RYR2: variants seen among roughly 807,000 people sequenced by gnomAD.
RYR2 encodes ryanodine receptor 2.
In RYR2, 227 loss-of-function variants were observed where a neutral mutation model predicts 601.1. That is an observed-to-expected ratio of 0.38 (90% CI 0.34 to 0.42). RYR2 has a LOEUF of 0.42. Ranked by LOEUF, RYR2 falls within the 10% of genes least tolerant of loss-of-function variation. The probability of loss-of-function intolerance (pLI) is 1.00; values close to 1 mark genes in which losing one functional copy is unlikely to be tolerated. For missense variants in RYR2, 4,646 were observed against 6,156.5 expected (o/e 0.75, Z 8.21); for synonymous variants, 2,223 against 2,175.1 (o/e 1.02, Z -0.61).
At chr1:237,785,375 C>T (rs1282474819) in intron 90 of RYR2, among the ~76,000 whole-genome samples, 1 of 152,106 alleles carries the variant, frequency 6.6e-6, no homozygotes, top group Admixed American at 6.5e-5. Context: ...TCTTTGTAGT[C>T]ATTAGTCCAT....
intron 8 of RYR2, among the ~76,000 whole-genome samples, chr1:237,384,042 G>A (rs1440290657): frequency 2.2e-4 from 33 of 152,140 alleles, no homozygotes; most frequent in Admixed American, 2.1e-3. Context: ...CAAGCCTGAC[G>A]TGATGTAGTT....
chr1:237,142,632 A>G (rs1213836954), intron 1 of RYR2, among the ~76,000 whole-genome samples: 1 of 152,122 alleles, frequency 6.6e-6, no homozygotes, highest in Admixed American at 6.5e-5. Context: ...GGCAGTTGGG[A>G]AGAGCATGCT....
At chr1:237,412,685 C>T (rs960356939) in intron 10 of RYR2, among the ~76,000 whole-genome samples, 4 of 152,076 alleles carry the variant, frequency 2.6e-5, no homozygotes, top group South Asian at 2.1e-4. Flanking sequence ...TTTTCATATC[C>T]GTCGACCTTC....
intron 1 of RYR2, among the ~76,000 whole-genome samples, chr1:237,167,151 G>A (rs549619617): frequency 6.6e-5 from 10 of 152,328 alleles, no homozygotes; most frequent in African/African-American, 2.4e-4. Context: ...GAGATCTGCA[G>A]TGATGTTCTT....
intron 24 of RYR2, among the ~76,000 whole-genome samples, chr1:237,527,503 A>G (rs183698461): frequency 1.3e-5 from 2 of 152,234 alleles, no homozygotes; most frequent in Non-Finnish European, 2.9e-5. Flanking sequence ...CCCTTAACCT[A>G]TAGTACACGG....
intron 53 of RYR2, among the ~76,000 whole-genome samples, chr1:237,656,568 C>T (rs1380354517): frequency 6.6e-6 from 1 of 152,118 alleles, no homozygotes; most frequent in African/African-American, 2.4e-5. Context: ...TTGTTGTTGT[C>T]GTTACTGTTT....
intron 20 of RYR2, among the ~76,000 whole-genome samples, chr1:237,497,606 C>T (rs1664210607): frequency 6.6e-6 from 1 of 152,096 alleles, no homozygotes; most frequent in African/African-American, 2.4e-5. Flanking sequence ...AGAAAGTTAC[C>T]TTAAGTTATA....
intron 101 of RYR2, among the ~76,000 whole-genome samples, chr1:237,827,827 C>A (rs1171027399): frequency 6.8e-6 from 1 of 146,472 alleles, no homozygotes; most frequent in Non-Finnish European, 1.5e-5. Context: ...GTCCCAGCTG[C>A]TGGGGAGGCT....
chr1:237,779,942 C>T (rs77932121), intron 88 of RYR2, among the ~76,000 whole-genome samples: 3,909 of 152,240 alleles, frequency 0.026, 88 homozygotes, highest in African/African-American at 0.055. Flanking sequence ...TGTGATTAGA[C>T]CAGCTATGTC....
chr1:237,468,900 CAATT>C (rs1660374867), intron 16 of RYR2, among the ~76,000 whole-genome samples, 188 bp from the exon 17 acceptor site: 1 of 152,078 alleles, frequency 6.6e-6, no homozygotes, highest in Admixed American at 6.5e-5. Flanking sequence ...GCTTCAGTCT[CAATT>C]AATAATTATT....
intron 10 of RYR2, among the ~76,000 whole-genome samples, chr1:237,403,503 C>T (rs1402311904): frequency 6.6e-6 from 1 of 152,194 alleles, no homozygotes; most frequent in Non-Finnish European, 1.5e-5. Context: ...ACTGCAGCCT[C>T]AACCCCCTGG....
chr1:237,480,368 A>G (rs955738873), intron 17 of RYR2, among the ~76,000 whole-genome samples: 4 of 146,516 alleles, frequency 2.7e-5, no homozygotes, highest in Non-Finnish European at 6.0e-5. Context: ...GTAGTGAACC[A>G]AGATCATCTC....
At position 237,674,770 on chromosome 1, in the gene RYR2, G is replaced by T; in HGVS notation, c.8754G>T (p.Glu2918Asp). The T allele has an allele frequency of 6.2e-7, 1 of 1,612,530 alleles. No individual in the cohort carries two copies. Among genetic ancestry groups the T allele is most frequent in the Non-Finnish European group, 8.5e-7 (1 of 1,178,836 alleles). Reference sequence around the variant, plus strand: ...TGGAACTGGACACGCCTTCTATTGAGAAACGATTTGCCTATAGTTTCCTCC... The same window carrying T: ...TGGAACTGGACACGCCTTCTATTGATAAACGATTTGCCTATAGTTTCCTCC... The part of the protein sequence containing the change: ...KDLELDTPSI[E>D]KRFAYSFLQQ... Residue 2918 changes from glutamate (E) to aspartate (D), a missense_variant, in exon 60 of 105, where the codon GAG (glutamate) becomes GAT (aspartate). By Grantham distance (45) the Glu-to-Asp change is conservative. Around this residue, in one of 17 missense-constraint regions of RYR2, gnomAD observed 1,497 missense variants for 1,842.6 expected, o/e 0.81. Transcript: ENST00000366574.
intron 17 of RYR2, among the ~76,000 whole-genome samples, chr1:237,484,894 T>TC (rs1662513084): frequency 6.6e-6 from 1 of 151,550 alleles, no homozygotes; most frequent in Admixed American, 6.6e-5. Flanking sequence ...AGACATTTAG[T>TC]TACATCCTTG....
At chr1:237,064,973 G>T (rs1380953760) in intron 1 of RYR2, among the ~76,000 whole-genome samples, 6 of 151,910 alleles carry the variant, frequency 3.9e-5, no homozygotes, top group Non-Finnish European at 7.4e-5. Context: ...AGTCCCCCAT[G>T]AGAAACTAAC....
chr1:237,400,964 G>A (rs61832523), intron 10 of RYR2, among the ~76,000 whole-genome samples: 8,197 of 152,250 alleles, frequency 0.054, 326 homozygotes, highest in Non-Finnish European at 0.087. Context: ...AAGAAGAGGC[G>A]TGTTTGGTGG....
At chr1:237,714,546 A>T (rs1428514944) in intron 71 of RYR2, among the ~76,000 whole-genome samples, 1 of 152,120 alleles carries the variant, frequency 6.6e-6, no homozygotes, top group Non-Finnish European at 1.5e-5. Context: ...AGTCTGTTTG[A>T]TGTCTTTCTT....
intron 2 of RYR2, among the ~76,000 whole-genome samples, chr1:237,304,825 A>G (rs975410773): frequency 6.6e-6 from 1 of 152,230 alleles, no homozygotes; most frequent in Non-Finnish European, 1.5e-5. Context: ...AAAACATACA[A>G]TTTAAGACCT....
intron 88 of RYR2, among the ~76,000 whole-genome samples, chr1:237,780,196 G>T (rs994199095): frequency 1.3e-5 from 2 of 152,160 alleles, no homozygotes; most frequent in African/African-American, 4.8e-5. Context: ...GGGCTCAGAG[G>T]TACCTGACTA....
Sources: allele counts gnomAD v4.1 joint callset (sites outside exome capture counted in the v4.1 genomes callset), GRCh38; gene constraint gnomAD v4.1.1; regional missense constraint gnomAD v4.1.1; transcripts MANE v1.5; gene names NCBI Gene and HGNC (gene_info 2026-07-23, HGNC 2026-07-21).